SUMF1: variants seen among roughly 807,000 people sequenced by gnomAD.
SUMF1 encodes formylglycine-generating enzyme.
SUMF1 carries 48 observed loss-of-function variants against 47.6 expected under a neutral mutation model. The ratio of observed to expected loss-of-function variants is 1.01; its 90% CI spans 0.80 to 1.28. The LOEUF is 1.28. Ranked by LOEUF, SUMF1 falls within the 50% of genes most tolerant of loss-of-function variation. The pLI is 0.00. For missense variants in SUMF1, 571 were observed against 485.4 expected (o/e 1.18, Z -1.66); for synonymous variants, 230 against 192.1 (o/e 1.20, Z -1.63).
At chr3:4,111,545 C>G (rs1284381726) in intron 8 of SUMF1, among the ~76,000 whole-genome samples, 4 of 151,852 alleles carry the variant, frequency 2.6e-5, no homozygotes. Context: ...TGGTGAAACC[C>G]CGTCTCTACT....
intron 7 of SUMF1, among the ~76,000 whole-genome samples, chr3:4,392,671 C>CGA (rs1325147667): frequency 2.1e-5 from 3 of 141,264 alleles, no homozygotes; most frequent in Non-Finnish European, 4.6e-5. Context: ...AGAAAGAGAG[C>CGA]GAGAGAGAGA....
At chr3:4,088,006 G>A (rs189085612) in intron 8 of SUMF1, among the ~76,000 whole-genome samples, 44 of 152,160 alleles carry the variant, frequency 2.9e-4, no homozygotes, top group Non-Finnish European at 1.6e-4. Context: ...TTCTAAGAAG[G>A]TGTAATACAA....
intron 8 of SUMF1, among the ~76,000 whole-genome samples, chr3:4,292,398 C>T (rs1021948291): frequency 6.6e-6 from 1 of 152,154 alleles, no homozygotes; most frequent in Non-Finnish European, 1.5e-5. Flanking sequence ...TGATGCAGTA[C>T]ATGACAAGAA....
chr3:4,269,931 G>A (rs1360648363), intron 8 of SUMF1, among the ~76,000 whole-genome samples: 1 of 152,174 alleles, frequency 6.6e-6, no homozygotes, highest in African/African-American at 2.4e-5. Flanking sequence ...GGAACTTTTT[G>A]AAGGTGAAGA....
At chr3:4,113,526 C>CA (rs1215901717) in intron 8 of SUMF1, among the ~76,000 whole-genome samples, 35 of 149,786 alleles carry the variant, frequency 2.3e-4, no homozygotes, top group African/African-American at 8.2e-4. Flanking sequence ...ACCCTGTCAC[C>CA]GCCCCCCACC....
intron 3 of SUMF1, among the ~76,000 whole-genome samples, chr3:4,442,489 G>A (rs1030023220): frequency 4.0e-5 from 6 of 151,538 alleles, no homozygotes; most frequent in Non-Finnish European, 7.4e-5. Context: ...TCGATCTCCT[G>A]ACCTCGTGAT....
At chr3:4,279,901 T>C (rs1315434529) in intron 8 of SUMF1, among the ~76,000 whole-genome samples, 1 of 152,168 alleles carries the variant, frequency 6.6e-6, no homozygotes, top group Non-Finnish European at 1.5e-5. Context: ...GAGACACTTT[T>C]TAAAGATTTT....
At chr3:4,190,563 TAAC>T (rs1431892441) in intron 8 of SUMF1, among the ~76,000 whole-genome samples, 1 of 152,018 alleles carries the variant, frequency 6.6e-6, no homozygotes, top group Non-Finnish European at 1.5e-5. Flanking sequence ...ATGATAAAAA[TAAC>T]AATCCCCTAC....
At chr3:4,374,713 C>T (rs1044840316) in intron 8 of SUMF1, among the ~76,000 whole-genome samples, 1 of 152,078 alleles carries the variant, frequency 6.6e-6, no homozygotes, top group Non-Finnish European at 1.5e-5. Flanking sequence ...CACCTGTTTT[C>T]CATGGAAGTC....
intron 7 of SUMF1, among the ~76,000 whole-genome samples, chr3:4,397,860 G>C (rs1388882663): frequency 6.6e-6 from 1 of 152,024 alleles, no homozygotes; most frequent in Non-Finnish European, 1.5e-5. Flanking sequence ...TATTTCATTT[G>C]AATTTTCATT....
At chr3:4,308,435 C>T (rs1698277230) in intron 8 of SUMF1, among the ~76,000 whole-genome samples, 1 of 152,136 alleles carries the variant, frequency 6.6e-6, no homozygotes, top group Non-Finnish European at 1.5e-5. Flanking sequence ...TTGCCAGAAA[C>T]ATATGTTGTT....
intron 8 of SUMF1, among the ~76,000 whole-genome samples, chr3:4,373,463 G>GAA (rs3075699): frequency 0.7 from 104,134 of 149,802 alleles, 36,908 homozygotes; most frequent in East Asian, 0.78. Flanking sequence ...TACAGTAAAA[G>GAA]AAAAAAAAAA....
At chr3:4,210,614 A>AT (rs1034012097) in intron 8 of SUMF1, among the ~76,000 whole-genome samples, 4 of 151,570 alleles carry the variant, frequency 2.6e-5, no homozygotes, top group East Asian at 1.9e-4. Context: ...ATGCACAAAA[A>AT]TTTTTTTTTA....
chr3:4,084,462 G>T (rs1168893122), intron 8 of SUMF1, among the ~76,000 whole-genome samples: 1 of 152,100 alleles, frequency 6.6e-6, no homozygotes, highest in Non-Finnish European at 1.5e-5. Flanking sequence ...CTCTGCTCTA[G>T]AGAATCTGCT....
intron 8 of SUMF1, among the ~76,000 whole-genome samples, chr3:4,213,227 T>C (rs1337818285): frequency 6.6e-6 from 1 of 152,130 alleles, no homozygotes; most frequent in Non-Finnish European, 1.5e-5. Context: ...GCAGAAACCC[T>C]ACAAGCCAGA....
Position 4,388,643 on chromosome 3 carries a change from C to T in SUMF1, c.955-12254G>A, listed in dbSNP as rs369430565. ...TTCTCTATTTTTTTGTCTCTGTTTT[C>T]CTTTTTCTGACTTCCTGTGGGTTAC... On this transcript the variant is annotated intron_variant, in intron 7 of 8. Coordinates refer to ENST00000272902, the MANE Select transcript of SUMF1 (RefSeq NM_182760.4). Among the ~76,000 whole-genome samples, 238 of 151,812 alleles carry T rather than the reference C, an allele frequency of 1.6e-3. 1 individual carries two copies. Among genetic ancestry groups the T allele is most frequent in the African/African-American group, 5.3e-3 (220 of 41,454 alleles).
At chr3:4,064,873 T>C (rs892193982) in intron 9 of SUMF1, among the ~76,000 whole-genome samples, 14 of 152,294 alleles carry the variant, frequency 9.2e-5, no homozygotes, top group Admixed American at 2.0e-4. Flanking sequence ...TTCTTCAAGC[T>C]GTGTCATTTG....
chr3:4,262,257 G>A (rs890975734), intron 8 of SUMF1, among the ~76,000 whole-genome samples: 3 of 152,094 alleles, frequency 2.0e-5, no homozygotes, highest in Admixed American at 1.3e-4. Flanking sequence ...GTGTGATGGA[G>A]AGAGCTGGGC....
intron 8 of SUMF1, among the ~76,000 whole-genome samples, chr3:4,265,947 T>C (rs1408166277): frequency 2.0e-5 from 3 of 152,104 alleles, no homozygotes; most frequent in Admixed American, 6.5e-5. Flanking sequence ...TTTCTACATA[T>C]GGCTAGCCAG....
Sources: allele counts gnomAD v4.1 joint callset (sites outside exome capture counted in the v4.1 genomes callset), GRCh38; gene constraint gnomAD v4.1.1; transcripts MANE v1.5; gene names NCBI Gene and HGNC (gene_info 2026-07-23, HGNC 2026-07-21).